ALDH4A1: variants seen among roughly 807,000 people sequenced by gnomAD.
ALDH4A1 encodes aldehyde dehydrogenase 4 family member A1, also known as delta-1-pyrroline-5-carboxylate dehydrogenase, mitochondrial.
ALDH4A1 carries 46 observed loss-of-function variants against 70.5 expected under a neutral mutation model. That is an observed-to-expected ratio of 0.65 (90% CI 0.51 to 0.83). ALDH4A1 has a LOEUF of 0.83. ALDH4A1 is among the 40% of genes least tolerant of loss of function. The probability of loss-of-function intolerance (pLI) is 0.00; values close to 1 mark genes in which losing one functional copy is unlikely to be tolerated. For missense variants in ALDH4A1, 749 were observed against 766.5 expected (o/e 0.98, Z 0.27); for synonymous variants, 323 against 324.3 (o/e 1.00, Z 0.04).
At chr1:18,892,561 G>C (rs550033569) in intron 1 of ALDH4A1, among the ~76,000 whole-genome samples, 86 of 151,838 alleles carry the variant, frequency 5.7e-4, no homozygotes, top group Non-Finnish European at 7.2e-4. Flanking sequence ...AAGGAGGCGG[G>C]GGGGGGCTGA....
At chr1:18,901,008 C>T in intron 1 of ALDH4A1, 1 of 716,846 alleles carries the variant, frequency 1.4e-6, no homozygotes, top group Non-Finnish European at 1.7e-6. Flanking sequence ...CCTATTAAGC[C>T]GAAAACTCCT....
intron 5 of ALDH4A1, chr1:18,885,258 C>A: frequency 3.3e-6 from 2 of 598,758 alleles, no homozygotes; most frequent in Non-Finnish European, 3.0e-6. Context: ...GGGACATTTC[C>A]GAGGCAGGAC....
At chr1:18,877,708 C>G in intron 9 of ALDH4A1, 96 bp from the exon 10 acceptor site, 1 of 1,434,504 alleles carries the variant, frequency 7.0e-7, no homozygotes, top group Non-Finnish European at 9.5e-7. Flanking sequence ...TGGCCCGGGA[C>G]CAACACGAGC....
Position 18,900,999 on chromosome 1 carries a change from C to T in ALDH4A1, c.62+1463G>A, listed in dbSNP as rs551118698. 6 of 827,102 alleles carry T rather than the reference C, an allele frequency of 7.3e-6. No homozygotes were observed. The East Asian group carries it at 7.4e-4, about 102-fold the overall frequency. 51.2% of individuals were successfully genotyped at this position (827,102 alleles called of 1,614,324 possible). A position where few individuals can be genotyped will look rare whatever the true frequency, so the allele number is the denominator to read the frequency against. On this transcript the variant is annotated intron_variant, in intron 1 of 14. Transcript: ENST00000375341. ...GAGGGTTTTCCTATGCATTTCTCCC[C>T]TATTAAGCCGAAAACTCCTCAAAGG...
intron 7 of ALDH4A1, among the ~76,000 whole-genome samples, chr1:18,882,923 T>G (rs967805116): frequency 2.6e-5 from 4 of 152,178 alleles, no homozygotes; most frequent in Non-Finnish European, 5.9e-5. Context: ...TGCCAGGGTC[T>G]CCCAGGCAGA....
intron 10 of ALDH4A1, 70 bp downstream of exon 10, chr1:18,877,346 A>G: frequency 6.4e-7 from 1 of 1,554,074 alleles, no homozygotes; most frequent in Middle Eastern, 1.7e-4. Context: ...CCGGCTGCAG[A>G]GGAGCCTCCC....
chr1:18,875,457 T>A lies in ALDH4A1; in HGVS notation c.1385A>T (p.Lys462Met). Residue 462 changes from lysine (K) to methionine (M), a missense_variant, in exon 13 of 15, where the codon AAG (lysine) becomes ATG (methionine). Transcript: ENST00000375341. ...AACCAGCTGCAGCGTCTCCTTGTAC[T>A]TGTCATCCGGGTAGACGTACACAGA... The part of the protein sequence containing the change: ...VLSVYVYPDD[K>M]YKETLQLVDS... 6.2e-7 allele frequency: 1 copy of A among 1,614,118 alleles called. No homozygotes were observed. Among genetic ancestry groups the A allele is most frequent in the Non-Finnish European group, 8.5e-7 (1 of 1,180,008 alleles).
At position 18,890,735 on chromosome 1, in the gene ALDH4A1, T is replaced by C. The variant is rs1230615962; in HGVS notation, c.63-630A>G. 6 of 985,432 alleles carry C rather than the reference T, an allele frequency of 6.1e-6. No homozygotes were observed. The African/African-American group carries it at 7.0e-5, about 11-fold the overall frequency. 61.0% of individuals were successfully genotyped at this position (985,432 alleles called of 1,614,324 possible). A position where few individuals can be genotyped will look rare whatever the true frequency, so the allele number is the denominator to read the frequency against. Reference sequence around the variant, plus strand: ...TAAACACACAGATGCAAAACCACGTTGAAGTATTTTCCACATGCAAAGCGT... The same window carrying C: ...TAAACACACAGATGCAAAACCACGTCGAAGTATTTTCCACATGCAAAGCGT... On this transcript the variant is annotated intron_variant, in intron 1 of 14. Coordinates refer to ENST00000375341, the MANE Select transcript of ALDH4A1 (RefSeq NM_003748.4).
At chr1:18,879,540 C>CG (rs774925753) in intron 8 of ALDH4A1, among the ~76,000 whole-genome samples, 167 bp from the exon 9 acceptor site, 1 of 152,088 alleles carries the variant, frequency 6.6e-6, no homozygotes, top group Non-Finnish European at 1.5e-5. Context: ...GAGCGGGCAA[C>CG]GGGGGGCTAG....
intron 1 of ALDH4A1, among the ~76,000 whole-genome samples, chr1:18,901,304 C>T (rs1935790599): frequency 6.6e-6 from 1 of 152,246 alleles, no homozygotes; most frequent in Admixed American, 6.5e-5. Context: ...TTGCAACTCA[C>T]TTGTGCTCAG....
At chr1:18,881,292 C>A (rs1433547082) in intron 8 of ALDH4A1, among the ~76,000 whole-genome samples, 1 of 152,140 alleles carries the variant, frequency 6.6e-6, no homozygotes, top group East Asian at 1.9e-4. Context: ...TGCCTCTTCC[C>A]CTCTGCCTGG....
At chr1:18,886,620 C>T in intron 3 of ALDH4A1, 109 bp from the exon 4 acceptor site, 3 of 1,153,672 alleles carry the variant, frequency 2.6e-6, no homozygotes, top group Non-Finnish European at 2.6e-6. Flanking sequence ...GACACGCCTG[C>T]TGTCCCCCCT....
rs757840080 is a variant in ALDH4A1 at position 18,876,179 on chromosome 1, C to T, written c.1338+136G>A. 7.1e-5 allele frequency: 85 copies of T among 1,194,820 alleles called. 1 individual carries two copies. Among genetic ancestry groups the T allele is most frequent in the Middle Eastern group, 6.3e-4 (3 of 4,786 alleles). The allele number at this position is 1,194,820 out of a possible 1,614,324, so 74.0% of individuals were successfully genotyped here. A position where few individuals can be genotyped will look rare whatever the true frequency, so the allele number is the denominator to read the frequency against. On this transcript the variant is annotated intron_variant, in intron 12 of 14. Coordinates refer to ENST00000375341, the MANE Select transcript of ALDH4A1 (RefSeq NM_003748.4). The stretch of plus-strand genomic sequence containing the variant: ...AAACCTGGCTCTACTCTCTCCCGGT[C>T]GGAGGCATTCCCTTTTAGGGTCTCC...
intron 3 of ALDH4A1, 130 bp from the exon 4 acceptor site, chr1:18,886,641 C>T: frequency 5.1e-6 from 5 of 986,352 alleles, no homozygotes; most frequent in Non-Finnish European, 7.9e-6. Context: ...CCCCCGCTCC[C>T]ATGAAACCCT....
chr1:18,892,282 TGAGGACC>T (rs1433243298), intron 1 of ALDH4A1, among the ~76,000 whole-genome samples: 1 of 152,080 alleles, frequency 6.6e-6, no homozygotes, highest in Non-Finnish European at 1.5e-5. Context: ...TGAGGTTGAC[TGAGGACC>T]TGCTGGGTCT....
At chr1:18,874,416 C>G (rs1374980951) in intron 14 of ALDH4A1, 47 bp downstream of exon 14, 1 of 1,548,186 alleles carries the variant, frequency 6.5e-7, no homozygotes. Context: ...CATCTAGGGT[C>G]TCCCACCAGG....
chr1:18,884,978 G>C (rs1357777229), intron 5 of ALDH4A1, among the ~76,000 whole-genome samples: 1 of 152,184 alleles, frequency 6.6e-6, no homozygotes, highest in Non-Finnish European at 1.5e-5. Context: ...GGACAGCTTG[G>C]CAGGGAAATG....
In ALDH4A1 at chr1:18,872,961, C is replaced by A. The variant is rs111572824; in HGVS notation, c.1580-4G>T. On this transcript the variant is annotated splice_polypyrimidine_tract_variant and splice_region_variant and intron_variant, in intron 14 of 14. Coordinates refer to ENST00000375341, the MANE Select transcript of ALDH4A1 (RefSeq NM_003748.4). ...CCCCCTGGCTTGTCATTGGTTCCTG[C>A]GGAAAAGACACTTCTGTTTTTCTCT... The A allele has an allele frequency of 7.4e-6, 12 of 1,612,278 alleles. No individual in the cohort carries two copies. Among genetic ancestry groups the A allele is most frequent in the Admixed American group, 3.3e-5 (2 of 60,018 alleles).
Position 18,883,124 on chromosome 1 carries a change from C to T in ALDH4A1, c.678G>A (p.Met226Ile), listed in dbSNP as rs1935049802. The stretch of plus-strand genomic sequence containing the variant: ...TGTCCCACCTGTGCCCACATCTCAC[C>T]ATCAGGGCCGGTGCCCCCGCCAGGT... ...GGNLAGAPAL[M>I]GNVVLWKPSD... The change falls in exon 7 of 15, where the codon ATG becomes ATA. Residue 226 changes from methionine (M) to isoleucine (I), a missense_variant and splice_region_variant. By Grantham distance (10) the Met-to-Ile change is conservative (BLOSUM62 1). Coordinates refer to ENST00000375341, the MANE Select transcript of ALDH4A1 (RefSeq NM_003748.4). 1 of 1,613,048 alleles carries T rather than the reference C, an allele frequency of 6.2e-7. No homozygotes were observed. The highest frequency in any genetic ancestry group is 1.1e-5 in the South Asian group (1 of 91,096).
Sources: allele counts gnomAD v4.1 joint callset (sites outside exome capture counted in the v4.1 genomes callset), GRCh38; gene constraint gnomAD v4.1.1; transcripts MANE v1.5; gene names NCBI Gene and HGNC (gene_info 2026-07-23, HGNC 2026-07-21).